NBAS: variants seen among roughly 807,000 people sequenced by gnomAD.
NBAS encodes NBAS subunit of NRZ tethering complex.
Under a neutral mutation model 302.5 loss-of-function variants are expected in NBAS, and 219 were observed. That is an observed-to-expected ratio of 0.72 (90% CI 0.65 to 0.81). NBAS has a LOEUF of 0.81. Among genes scored for constraint, NBAS ranks in the 30% least tolerant of loss-of-function variants. The pLI, the probability that NBAS is intolerant of heterozygous loss-of-function variation, is 0.00. For missense variants in NBAS, 2,932 were observed against 2,841.6 expected (o/e 1.03, Z -0.72); for synonymous variants, 1,118 against 1,021.6 (o/e 1.09, Z -1.80).
chr2:15,472,817 T>A (rs1680017327), intron 16 of NBAS, among the ~76,000 whole-genome samples: 1 of 152,234 alleles, frequency 6.6e-6, no homozygotes, highest in African/African-American at 2.4e-5. Flanking sequence ...GTCCTTAGCG[T>A]TCTCTTCACA....
At chr2:14,965,653 G>A in the NBAS span, among the ~76,000 whole-genome samples, 10 of 152,050 alleles carry the variant, frequency 6.6e-5, no homozygotes, top group Admixed American at 6.6e-4. Context: ...GCAGAGGAGG[G>A]AATACTTCCC....
the NBAS span, among the ~76,000 whole-genome samples, chr2:14,965,777 A>C: frequency 1.3e-5 from 2 of 152,032 alleles, no homozygotes; most frequent in African/African-American, 4.8e-5. Context: ...ATTCTAAAAA[A>C]AAAATCTAAC....
At chr2:14,890,188 A>G in the NBAS span, among the ~76,000 whole-genome samples, 1 of 152,200 alleles carries the variant, frequency 6.6e-6, no homozygotes, top group Non-Finnish European at 1.5e-5. Flanking sequence ...GTGACTATGA[A>G]AAGAAAAATT....
intron 21 of NBAS, among the ~76,000 whole-genome samples, chr2:15,456,017 C>T (rs2148548564): frequency 6.6e-6 from 1 of 152,192 alleles, no homozygotes; most frequent in South Asian, 2.1e-4. Flanking sequence ...AAAAATGTCA[C>T]CTTTGTACTT....
intron 11 of NBAS, 82 bp downstream of exon 11, chr2:15,504,063 G>A (rs922308761): frequency 9.0e-7 from 1 of 1,113,828 alleles, no homozygotes; most frequent in Non-Finnish European, 1.4e-6. Context: ...AAAAATTCGA[G>A]GTTCATTCAG....
At chr2:14,986,828 C>G in the NBAS span, among the ~76,000 whole-genome samples, 2 of 151,970 alleles carry the variant, frequency 1.3e-5, no homozygotes, top group African/African-American at 4.8e-5. Context: ...AAGTTACCCA[C>G]AAAAAAAGTA....
intron 44 of NBAS, among the ~76,000 whole-genome samples, chr2:15,256,883 AT>A (rs1251187459): frequency 1.3e-5 from 2 of 152,200 alleles, no homozygotes; most frequent in Non-Finnish European, 2.9e-5. Flanking sequence ...ATGTTAATTC[AT>A]CCCTGCATCC....
intron 9 of NBAS, among the ~76,000 whole-genome samples, chr2:15,520,298 A>G (rs942191951): frequency 2.0e-5 from 3 of 152,190 alleles, no homozygotes; most frequent in Non-Finnish European, 4.4e-5. Flanking sequence ...GTTACTCAGA[A>G]GGCTGAGGAG....
the NBAS span, among the ~76,000 whole-genome samples, chr2:15,101,361 A>T: frequency 2.0e-5 from 3 of 152,178 alleles, no homozygotes; most frequent in Non-Finnish European, 4.4e-5. Context: ...CTATGTTGTT[A>T]TTATCCCAAA....
At chr2:15,346,335 T>C (rs972586745) in intron 35 of NBAS, among the ~76,000 whole-genome samples, 2 of 151,508 alleles carry the variant, frequency 1.3e-5, no homozygotes, top group Non-Finnish European at 2.9e-5. Flanking sequence ...CATCAAAAAG[T>C]GGGCAAAGGG....
the NBAS span, among the ~76,000 whole-genome samples, chr2:15,038,335 A>G: frequency 0.82 from 124,182 of 151,650 alleles, 51,195 homozygotes; most frequent in East Asian, 1. Flanking sequence ...CTGGCCTTGA[A>G]CTCCTGACCT....
At chr2:14,951,724 T>C in the NBAS span, among the ~76,000 whole-genome samples, 3 of 152,166 alleles carry the variant, frequency 2.0e-5, no homozygotes, top group Non-Finnish European at 4.4e-5. Flanking sequence ...GTTTATTGCA[T>C]TTCACCTTCA....
At chr2:15,189,568 T>C (rs1479573251) in intron 49 of NBAS, among the ~76,000 whole-genome samples, 3 of 83,058 alleles carry the variant, frequency 3.6e-5, no homozygotes, top group African/African-American at 1.3e-4. Context: ...TGAGACCCAG[T>C]CCATGAGCTC....
At chr2:15,247,477 T>C (rs1668144682) in intron 44 of NBAS, among the ~76,000 whole-genome samples, 1 of 152,060 alleles carries the variant, frequency 6.6e-6, no homozygotes, top group Non-Finnish European at 1.5e-5. Context: ...CGGTGTGCTC[T>C]ATTCAGGAGA....
At chr2:15,087,173 C>T in the NBAS span, among the ~76,000 whole-genome samples, 2 of 150,738 alleles carry the variant, frequency 1.3e-5, no homozygotes, top group South Asian at 4.2e-4. Context: ...GATCTTGGGA[C>T]TAGCCAGCCT....
chr2:14,979,574 C>T, the NBAS span, among the ~76,000 whole-genome samples: 1 of 152,138 alleles, frequency 6.6e-6, no homozygotes, highest in Admixed American at 6.5e-5. Context: ...AGGGGCAGAG[C>T]TGGGATTCAC....
intron 26 of NBAS, among the ~76,000 whole-genome samples, chr2:15,398,411 A>G (rs6720738): frequency 0.013 from 1,906 of 152,254 alleles, 36 homozygotes; most frequent in African/African-American, 0.043. Context: ...GATTACAGGC[A>G]TGAGTAACTG....
the NBAS span, among the ~76,000 whole-genome samples, chr2:14,845,194 G>A: frequency 0.13 from 19,494 of 152,160 alleles, 2,233 homozygotes; most frequent in African/African-American, 0.3. Flanking sequence ...AGTTCCAGGC[G>A]GCTCAGAACA....
the NBAS span, among the ~76,000 whole-genome samples, chr2:14,972,068 A>G: frequency 6.6e-6 from 1 of 152,310 alleles, no homozygotes; most frequent in East Asian, 1.9e-4. Context: ...AAAAATGTCA[A>G]TCCTGAACAA....
Sources: gnomAD v4.1 joint callset for allele counts (sites outside exome capture counted in the v4.1 genomes callset) on GRCh38, gnomAD v4.1.1 for gene constraint, MANE v1.5 for transcripts, NCBI Gene and HGNC (gene_info 2026-07-23, HGNC 2026-07-21) for gene names.